ZBTB16: variants seen among roughly 807,000 people sequenced by gnomAD.
ZBTB16 encodes the protein zinc finger and BTB domain-containing protein 16.
A neutral mutation model predicts 56.8 loss-of-function variants in ZBTB16; 8 were observed. That is an observed-to-expected ratio of 0.14 (90% CI 0.08 to 0.25). ZBTB16 has a LOEUF of 0.25. ZBTB16 is among the 10% of genes least tolerant of loss of function. The pLI, the probability that ZBTB16 is intolerant of heterozygous loss-of-function variation, is 1.00. For missense variants in ZBTB16, 625 were observed against 903.0 expected, an observed-to-expected ratio of 0.69 and a Z score of 3.95; for synonymous variants, 363 against 368.5, an observed-to-expected ratio of 0.98 and a Z score of 0.17.
chr11:114,076,426 C>T (rs892741357), intron 2 of ZBTB16, among the ~76,000 whole-genome samples: 8 of 152,112 alleles, frequency 5.3e-5, no homozygotes, highest in African/African-American at 1.9e-4. Flanking sequence ...CTTCACTTTA[C>T]GTGGAAAAAC....
intron 4 of ZBTB16, among the ~76,000 whole-genome samples, chr11:114,190,215 A>T (rs530712564): frequency 2.3e-4 from 35 of 152,320 alleles, no homozygotes; most frequent in African/African-American, 8.4e-4. Flanking sequence ...TGGAGTGATG[A>T]AAATGTTCTA....
chr11:114,213,671 G>A (rs1409776925), intron 4 of ZBTB16, among the ~76,000 whole-genome samples: 3 of 152,198 alleles, frequency 2.0e-5, no homozygotes, highest in Non-Finnish European at 1.5e-5. Context: ...GAACATCAGG[G>A]CTAGACATAG....
intron 4 of ZBTB16, chr11:114,210,660 G>T (rs992826226): frequency 9.9e-6 from 2 of 202,226 alleles, no homozygotes; most frequent in Non-Finnish European, 1.9e-5. Flanking sequence ...GTTTGCCGGG[G>T]CTAGTTTAGA....
intron 3 of ZBTB16, among the ~76,000 whole-genome samples, chr11:114,167,848 C>T (rs981831772): frequency 1.3e-5 from 2 of 152,198 alleles, no homozygotes; most frequent in Non-Finnish European, 2.9e-5. Flanking sequence ...TAACCTGGCT[C>T]TAGTTGTTTT....
chr11:114,081,201 G>A (rs1939744428), intron 2 of ZBTB16, among the ~76,000 whole-genome samples: 1 of 152,214 alleles, frequency 6.6e-6, no homozygotes, highest in Non-Finnish European at 1.5e-5. Context: ...ATCTTTGTCT[G>A]TGAGGGATGC....
At chr11:114,111,767 A>G (rs1170235655) in intron 2 of ZBTB16, among the ~76,000 whole-genome samples, 2 of 152,090 alleles carry the variant, frequency 1.3e-5, no homozygotes, top group Admixed American at 6.5e-5. Flanking sequence ...TCCTGGTGCT[A>G]TTGGTTTGTT....
chr11:114,100,717 C>T (rs549519321), intron 2 of ZBTB16, among the ~76,000 whole-genome samples: 2 of 152,090 alleles, frequency 1.3e-5, no homozygotes, highest in Non-Finnish European at 2.9e-5. Context: ...CAATGAGGAC[C>T]CTTTTGTGAG....
At chr11:114,103,014 A>AT (rs1940668648) in intron 2 of ZBTB16, among the ~76,000 whole-genome samples, 1 of 152,214 alleles carries the variant, frequency 6.6e-6, no homozygotes, top group Non-Finnish European at 1.5e-5. Flanking sequence ...GGGAACATTA[A>AT]AAGAACCTTA....
At chr11:114,245,837 T>G (rs1480636087) in intron 5 of ZBTB16, among the ~76,000 whole-genome samples, 1 of 152,196 alleles carries the variant, frequency 6.6e-6, no homozygotes, top group Non-Finnish European at 1.5e-5. Flanking sequence ...GGGCCATTCT[T>G]TACCATAAAC....
At chr11:114,248,744 G>T (rs1042633019) in intron 6 of ZBTB16, among the ~76,000 whole-genome samples, 1 of 152,146 alleles carries the variant, frequency 6.6e-6, no homozygotes, top group African/African-American at 2.4e-5. Context: ...ACAAGGAGAG[G>T]GTTGGGTGTC....
At chr11:114,228,374 G>A (rs1233650661) in intron 4 of ZBTB16, among the ~76,000 whole-genome samples, 1 of 152,218 alleles carries the variant, frequency 6.6e-6, no homozygotes, top group African/African-American at 2.4e-5. Context: ...CGGTGACCAA[G>A]TAGTTACCAG....
At position 114,067,175 on chromosome 11, in the gene ZBTB16, G is replaced by A. The variant is rs190829764; in HGVS notation, c.1268+2607G>A. 1.8e-3 allele frequency among the ~76,000 whole-genome samples: 267 copies of A among 152,238 alleles called. 2 individuals carry two copies. The highest frequency in any genetic ancestry group is 0.014 in the East Asian group (70 of 5,162). The stretch of plus-strand genomic sequence containing the variant: ...GTGATGGGCACATAGTCACCGCAGC[G>A]GTGGAGAACTGACCATCTGTCCCTT... On this transcript the variant is annotated intron_variant, in intron 2 of 6. Coordinates refer to ENST00000335953, the MANE Select transcript of ZBTB16 (RefSeq NM_006006.6).
intron 4 of ZBTB16, among the ~76,000 whole-genome samples, chr11:114,229,422 T>C (rs1360206591): frequency 4.6e-5 from 7 of 152,212 alleles, no homozygotes; most frequent in Non-Finnish European, 1.0e-4. Context: ...CTGCACACTG[T>C]AAATTATATT....
At chr11:114,131,855 A>C (rs1941668182) in intron 2 of ZBTB16, among the ~76,000 whole-genome samples, 1 of 152,210 alleles carries the variant, frequency 6.6e-6, no homozygotes. Context: ...TCTTCGGCAG[A>C]ATCTGTCTGG....
chr11:114,231,325 T>C (rs1341703447), intron 4 of ZBTB16, among the ~76,000 whole-genome samples: 1 of 152,148 alleles, frequency 6.6e-6, no homozygotes, highest in Non-Finnish European at 1.5e-5. Context: ...TTGCTCTCTA[T>C]ATGGGCTTTC....
At chr11:114,214,761 A>G (rs934386274) in intron 4 of ZBTB16, among the ~76,000 whole-genome samples, 1 of 152,152 alleles carries the variant, frequency 6.6e-6, no homozygotes, top group Non-Finnish European at 1.5e-5. Context: ...GCGCCACCAC[A>G]TCCGGCTAAT....
At chr11:114,180,705 C>G (rs1943227832) in intron 3 of ZBTB16, 1 of 152,232 alleles carries the variant, frequency 6.6e-6, no homozygotes, top group Non-Finnish European at 1.5e-5. Context: ...TGCGCCCTTC[C>G]CAGGTGAGTT....
intron 2 of ZBTB16, among the ~76,000 whole-genome samples, chr11:114,113,706 T>G (rs1432094349): frequency 6.6e-6 from 1 of 152,222 alleles, no homozygotes; most frequent in Non-Finnish European, 1.5e-5. Flanking sequence ...AAATGACCTT[T>G]CTTTGAAATC....
intron 1 of ZBTB16, among the ~76,000 whole-genome samples, chr11:114,062,649 G>C (rs1445722751): frequency 1.3e-5 from 2 of 152,198 alleles, no homozygotes; most frequent in Admixed American, 1.3e-4. Context: ...TTGCGGAGGA[G>C]AGCCCAGTGT....
Sources: gnomAD v4.1 joint callset for allele counts (sites outside exome capture counted in the v4.1 genomes callset) on GRCh38, gnomAD v4.1.1 for gene constraint, MANE v1.5 for transcripts, NCBI Gene and HGNC (gene_info 2026-07-23, HGNC 2026-07-21) for gene names.